Variants in PEBP4 observed in about 807,000 individuals in gnomAD.
PEBP4 encodes phosphatidylethanolamine-binding protein 4.
A neutral mutation model predicts 23.9 loss-of-function variants in PEBP4; 22 were observed. That is an observed-to-expected ratio of 0.92 (90% CI 0.66 to 1.31). The LOEUF is 1.31. PEBP4 is among the 40% of genes most tolerant of loss of function. The pLI, the probability that PEBP4 is intolerant of heterozygous loss-of-function variation, is 0.00. For missense variants in PEBP4, 324 were observed against 281.7 expected, an observed-to-expected ratio of 1.15 and a Z score of -1.07; for synonymous variants, 112 against 99.3, an observed-to-expected ratio of 1.13 and a Z score of -0.76.
chr8:22,867,159 C>A (rs1807921468), intron 3 of PEBP4, among the ~76,000 whole-genome samples: 2 of 152,154 alleles, frequency 1.3e-5, no homozygotes, highest in African/African-American at 4.8e-5. Flanking sequence ...CCTAAGAGAG[C>A]CATCCCAGAG....
At chr8:22,914,062 A>C (rs1809013877) in intron 3 of PEBP4, among the ~76,000 whole-genome samples, 1 of 147,464 alleles carries the variant, frequency 6.8e-6, no homozygotes, top group South Asian at 2.1e-4. Flanking sequence ...ATCTAGGCTC[A>C]CTGCAACCTC....
intron 4 of PEBP4, among the ~76,000 whole-genome samples, chr8:22,782,677 G>A (rs1805949959): frequency 6.6e-6 from 1 of 152,130 alleles, no homozygotes; most frequent in South Asian, 2.1e-4. Context: ...GTATACCTCT[G>A]TATATGTTTG....
At chr8:22,717,494 TG>T (rs2128747725) in intron 6 of PEBP4, among the ~76,000 whole-genome samples, 1 of 152,220 alleles carries the variant, frequency 6.6e-6, no homozygotes, top group African/African-American at 2.4e-5. Flanking sequence ...GCCTGGGAAG[TG>T]GGGTAGGAAG....
intron 4 of PEBP4, among the ~76,000 whole-genome samples, chr8:22,810,719 A>G (rs1290198749): frequency 6.7e-6 from 1 of 149,722 alleles, no homozygotes; most frequent in Non-Finnish European, 1.5e-5. Context: ...TGTGTGAGAG[A>G]GAGAGAGAGA....
intron 4 of PEBP4, among the ~76,000 whole-genome samples, chr8:22,803,181 A>G (rs1344275261): frequency 1.3e-5 from 2 of 152,106 alleles, no homozygotes; most frequent in Admixed American, 6.5e-5. Flanking sequence ...CTGAGGGCCA[A>G]TCTAATCCGA....
At chr8:22,768,052 A>G (rs1805644614) in intron 4 of PEBP4, among the ~76,000 whole-genome samples, 1 of 152,104 alleles carries the variant, frequency 6.6e-6, no homozygotes, top group Non-Finnish European at 1.5e-5. Context: ...GTTTTTTTGA[A>G]AAGTACCTTG....
At chr8:22,807,123 A>G (rs956539067) in intron 4 of PEBP4, among the ~76,000 whole-genome samples, 2 of 152,218 alleles carry the variant, frequency 1.3e-5, no homozygotes, top group African/African-American at 4.8e-5. Context: ...TCGTGATTGC[A>G]AATCTAAGCT....
At chr8:22,896,187 G>A (rs1460564898) in intron 3 of PEBP4, 1 of 152,266 alleles carries the variant, frequency 6.6e-6, no homozygotes, top group Non-Finnish European at 1.5e-5. Context: ...GACAGGGAAT[G>A]GAGCTTGGAC....
chr8:22,906,208 G>T (rs775869567), intron 3 of PEBP4, among the ~76,000 whole-genome samples: 6 of 152,206 alleles, frequency 3.9e-5, no homozygotes, highest in Middle Eastern at 3.4e-3. Flanking sequence ...TGAACAGAGG[G>T]TGTTACCTTA....
intron 4 of PEBP4, among the ~76,000 whole-genome samples, chr8:22,742,671 C>T (rs1805021819): frequency 1.3e-5 from 2 of 152,186 alleles, no homozygotes; most frequent in South Asian, 4.1e-4. Context: ...ATTTTTCAGT[C>T]ACTCGCCAAC....
At chr8:22,732,815 TG>T in intron 4 of PEBP4, among the ~76,000 whole-genome samples, 1 of 152,336 alleles carries the variant, frequency 6.6e-6, no homozygotes, top group South Asian at 2.1e-4. Context: ...GAGGTGCTTC[TG>T]GGTTCCTAGA....
chr8:22,814,005 A>G lies in PEBP4; in HGVS notation c.357+3632T>C, dbSNP rs183673195. On this transcript the variant is annotated intron_variant, in intron 4 of 6. Coordinates refer to ENST00000256404, the MANE Select transcript of PEBP4 (RefSeq NM_144962.3). ...AATTTTGTTTGCGTTTGTGTCACCA[A>G]TGCTAACCTAGCTGCCTGATTTACA... 4.6e-5 allele frequency among the ~76,000 whole-genome samples: 7 copies of G among 152,348 alleles called. No homozygotes were observed. In the East Asian group the frequency reaches 1.3e-3, roughly 29 times the overall value.
intron 4 of PEBP4, among the ~76,000 whole-genome samples, chr8:22,776,109 C>T (rs1417605429): frequency 6.6e-6 from 1 of 152,128 alleles, no homozygotes; most frequent in Non-Finnish European, 1.5e-5. Flanking sequence ...CATCTCTGCA[C>T]CAAAGTAATA....
At chr8:22,810,631 C>A (rs929461346) in intron 4 of PEBP4, among the ~76,000 whole-genome samples, 18 of 147,862 alleles carry the variant, frequency 1.2e-4, no homozygotes, top group Non-Finnish European at 2.7e-4. Context: ...GTTGGGTGAG[C>A]GAGACTGTGC....
At chr8:22,826,439 G>A (rs1244987414) in intron 3 of PEBP4, among the ~76,000 whole-genome samples, 1 of 152,194 alleles carries the variant, frequency 6.6e-6, no homozygotes, top group East Asian at 1.9e-4. Context: ...GAAATGACTT[G>A]TATATAAGGT....
At chr8:22,799,783 TA>T in intron 4 of PEBP4, among the ~76,000 whole-genome samples, 1 of 152,006 alleles carries the variant, frequency 6.6e-6, no homozygotes, top group African/African-American at 2.4e-5. Flanking sequence ...AATTCCCACC[TA>T]TGAGTGAGAA....
At chr8:22,733,207 G>A (rs2128749578) in intron 4 of PEBP4, among the ~76,000 whole-genome samples, 1 of 152,286 alleles carries the variant, frequency 6.6e-6, no homozygotes. Flanking sequence ...CGAGGGTGGG[G>A]ACTACACCCT....
At chr8:22,784,116 TGG>T (rs1340568066) in intron 4 of PEBP4, among the ~76,000 whole-genome samples, 9 of 152,114 alleles carry the variant, frequency 5.9e-5, no homozygotes, top group Non-Finnish European at 1.0e-4. Context: ...CAGGCTGTTG[TGG>T]GGATTATGGA....
intron 6 of PEBP4, among the ~76,000 whole-genome samples, chr8:22,718,679 G>C (rs938767510): frequency 6.6e-6 from 1 of 151,934 alleles, no homozygotes; most frequent in African/African-American, 2.4e-5. Context: ...CAGTGATCAG[G>C]GGCTGGGCCC....
Sources: allele counts gnomAD v4.1 joint callset (sites outside exome capture counted in the v4.1 genomes callset), GRCh38; gene constraint gnomAD v4.1.1; transcripts MANE v1.5; gene names NCBI Gene and HGNC (gene_info 2026-07-23, HGNC 2026-07-21).